LRBA: variants seen among roughly 807,000 people sequenced by gnomAD.
LRBA encodes the protein lipopolysaccharide-responsive and beige-like anchor protein.
A neutral mutation model predicts 330.0 loss-of-function variants in LRBA; 176 were observed. That is an observed-to-expected ratio of 0.53 (90% CI 0.47 to 0.60). The LOEUF is 0.60. Among genes scored for constraint, LRBA ranks in the 20% least tolerant of loss-of-function variants. LRBA has a pLI of 0.00. For synonymous variants in LRBA, 1,230 were observed against 1,193.0 expected, an observed-to-expected ratio of 1.03 and a Z score of -0.64; for missense variants, 3,259 against 3,444.8, an observed-to-expected ratio of 0.95 and a Z score of 1.35.
intron 2 of LRBA, among the ~76,000 whole-genome samples, chr4:150,961,992 A>C (rs560401383): frequency 6.7e-6 from 1 of 149,508 alleles, no homozygotes; most frequent in African/African-American, 2.6e-5. Flanking sequence ...CCAAGATCTC[A>C]GAGGCAAGAA....
chr4:150,463,342 A>G (rs1671524621), intron 44 of LRBA, among the ~76,000 whole-genome samples: 1 of 152,030 alleles, frequency 6.6e-6, no homozygotes, highest in African/African-American at 2.4e-5. Flanking sequence ...GTTCTTGTTG[A>G]AAGCACTTTT....
At chr4:150,407,911 A>G (rs1179010349) in intron 47 of LRBA, among the ~76,000 whole-genome samples, 1 of 152,186 alleles carries the variant, frequency 6.6e-6, no homozygotes, top group African/African-American at 2.4e-5. Context: ...AAAACCACAC[A>G]TAACGAGAAA....
chr4:150,491,179 GA>G (rs1758898018), intron 40 of LRBA, 144 bp from the exon 41 acceptor site: 1 of 411,754 alleles, frequency 2.4e-6, no homozygotes, highest in Non-Finnish European at 4.3e-6. Flanking sequence ...ATAATTTGGA[GA>G]TGAAGAAAAT....
chr4:150,914,765 T>C (rs900457671), intron 8 of LRBA, among the ~76,000 whole-genome samples: 1 of 152,278 alleles, frequency 6.6e-6, no homozygotes, highest in Non-Finnish European at 1.5e-5. Flanking sequence ...AAAAACAGGT[T>C]ACAAAACAAT....
At chr4:150,585,080 C>T (rs915495950) in intron 40 of LRBA, among the ~76,000 whole-genome samples, 4 of 151,946 alleles carry the variant, frequency 2.6e-5, no homozygotes, top group Admixed American at 6.6e-5. Flanking sequence ...AATCTGAATC[C>T]GATATACAAA....
chr4:150,477,711 A>G (rs1164584356), intron 42 of LRBA, among the ~76,000 whole-genome samples: 2 of 152,034 alleles, frequency 1.3e-5, no homozygotes, highest in Non-Finnish European at 2.9e-5. Context: ...TTCTCATGAC[A>G]GTGAGTGAGT....
chr4:150,741,722 C>T (rs1215151811), intron 35 of LRBA, among the ~76,000 whole-genome samples: 7 of 151,956 alleles, frequency 4.6e-5, no homozygotes, highest in Non-Finnish European at 7.4e-5. Flanking sequence ...ATGAATTTCA[C>T]TAACAATATG....
intron 44 of LRBA, among the ~76,000 whole-genome samples, chr4:150,463,699 G>A: frequency 6.6e-6 from 1 of 151,882 alleles, no homozygotes; most frequent in Non-Finnish European, 1.5e-5. Context: ...AAGTTCCTTA[G>A]GTACAGCTGT....
At chr4:150,624,310 CAA>C (rs11301318) in intron 37 of LRBA, among the ~76,000 whole-genome samples, 178 of 140,320 alleles carry the variant, frequency 1.3e-3, no homozygotes, top group Middle Eastern at 3.6e-3. Context: ...ACCTCCCTAT[CAA>C]AAAAAAAAAA....
intron 35 of LRBA, among the ~76,000 whole-genome samples, chr4:150,756,391 C>T (rs1159615935): frequency 6.6e-6 from 1 of 152,064 alleles, no homozygotes; most frequent in African/African-American, 2.4e-5. Flanking sequence ...TACTGAGATA[C>T]TAAATTTTTT....
chr4:150,678,032 G>A (rs1249939669), intron 37 of LRBA, among the ~76,000 whole-genome samples: 1 of 151,962 alleles, frequency 6.6e-6, no homozygotes, highest in Non-Finnish European at 1.5e-5. Context: ...TTGAGGTCAG[G>A]AGTTCGAGAC....
At chr4:150,267,577 A>G (rs981806758) in intron 56 of LRBA, among the ~76,000 whole-genome samples, 4 of 152,194 alleles carry the variant, frequency 2.6e-5, no homozygotes, top group Non-Finnish European at 4.4e-5. Flanking sequence ...AAATATCTCA[A>G]ATCAATAACC....
chr4:150,443,701 G>A (rs1024678705), intron 44 of LRBA, among the ~76,000 whole-genome samples: 1 of 151,896 alleles, frequency 6.6e-6, no homozygotes, highest in Non-Finnish European at 1.5e-5. Context: ...CTGTTGTGGG[G>A]TGGGAGCAGG....
At chr4:150,444,051 C>A (rs1752260875) in intron 44 of LRBA, among the ~76,000 whole-genome samples, 2 of 151,354 alleles carry the variant, frequency 1.3e-5, no homozygotes, top group Non-Finnish European at 1.5e-5. Flanking sequence ...TCCCTACTTA[C>A]ATAATGTCTG....
chr4:150,564,656 C>A (rs559669149), intron 40 of LRBA, among the ~76,000 whole-genome samples: 1 of 152,212 alleles, frequency 6.6e-6, no homozygotes, highest in East Asian at 1.9e-4. Context: ...GGGCTAATAT[C>A]CAGAATCTAC....
chr4:150,491,052 T>G lies in LRBA; in HGVS notation c.6331-17A>C. 7.9e-7 allele frequency: 1 copy of G among 1,265,004 alleles called. No homozygotes were observed. The highest frequency in any genetic ancestry group is 1.1e-6 in the Non-Finnish European group (1 of 890,144). The allele number at this position is 1,265,004 out of a possible 1,614,324, so 78.4% of individuals were successfully genotyped here. Reference sequence around the variant, plus strand: ...TGCCAAGATCTAATGAGGAAAAAAATAATCCCAGGTAAGTAACAATACTTG... The same window carrying G: ...TGCCAAGATCTAATGAGGAAAAAAAGAATCCCAGGTAAGTAACAATACTTG... On this transcript the variant is annotated splice_polypyrimidine_tract_variant and intron_variant, in intron 40 of 56. Coordinates refer to ENST00000651943, the MANE Select transcript of LRBA (RefSeq NM_001364905.1).
intron 31 of LRBA, among the ~76,000 whole-genome samples, chr4:150,811,081 T>A (rs556059000): frequency 6.6e-6 from 1 of 152,316 alleles, no homozygotes; most frequent in South Asian, 2.1e-4. Context: ...CCTAAAATCA[T>A]ATACAACACT....
At chr4:150,868,426 CTTCTG>C (rs1307240585) in intron 20 of LRBA, 121 bp from the exon 21 acceptor site, 1 of 518,514 alleles carries the variant, frequency 1.9e-6, no homozygotes, top group Non-Finnish European at 3.2e-6. Context: ...AAAACATCCT[CTTCTG>C]TTATTAAAAA....
chr4:150,866,287 G>A (rs1560935240), intron 22 of LRBA, among the ~76,000 whole-genome samples: 1 of 152,108 alleles, frequency 6.6e-6, no homozygotes, highest in Non-Finnish European at 1.5e-5. Flanking sequence ...TCCTCAGAAG[G>A]TACAAACATA....
Sources: allele counts gnomAD v4.1 joint callset (sites outside exome capture counted in the v4.1 genomes callset), GRCh38; gene constraint gnomAD v4.1.1; transcripts MANE v1.5; gene names NCBI Gene and HGNC (gene_info 2026-07-23, HGNC 2026-07-21).